TMEM163: variants seen among roughly 807,000 people sequenced by gnomAD.
TMEM163 encodes transmembrane protein 163.
Under a neutral mutation model 29.3 loss-of-function variants are expected in TMEM163, and 17 were observed. The ratio of observed to expected loss-of-function variants is 0.58; its 90% CI spans 0.40 to 0.87. TMEM163 has a LOEUF of 0.87. Ranked by LOEUF, TMEM163 falls within the 40% of genes least tolerant of loss-of-function variation. The pLI, the probability that TMEM163 is intolerant of heterozygous loss-of-function variation, is 0.00. For synonymous variants in TMEM163, 157 were observed against 160.6 expected (o/e 0.98, Z 0.17); for missense variants, 303 against 381.5 (o/e 0.79, Z 1.71).
chr2:134,489,911 T>A (rs1322493540), intron 5 of TMEM163, among the ~76,000 whole-genome samples: 2 of 152,220 alleles, frequency 1.3e-5, no homozygotes, highest in Non-Finnish European at 2.9e-5. Flanking sequence ...CCCCGAAAGA[T>A]GAACTCCTCC....
intron 5 of TMEM163, chr2:134,467,743 G>T (rs1042994163): frequency 6.6e-6 from 1 of 152,284 alleles, no homozygotes; most frequent in South Asian, 2.1e-4. Context: ...GAAAGTCTAG[G>T]GTTTCGTGAA....
intron 2 of TMEM163, among the ~76,000 whole-genome samples, chr2:134,680,379 T>C (rs1684204157): frequency 1.3e-5 from 2 of 150,488 alleles, no homozygotes; most frequent in Non-Finnish European, 3.0e-5. Context: ...AAAAAAGCTC[T>C]GTATGGAGGC....
At chr2:134,500,084 C>T (rs1679666125) in intron 5 of TMEM163, among the ~76,000 whole-genome samples, 1 of 152,146 alleles carries the variant, frequency 6.6e-6, no homozygotes, top group African/African-American at 2.4e-5. Context: ...CCGTACAGCC[C>T]ACATTCCAGC....
At chr2:134,625,218 AG>A (rs1682821787) in intron 2 of TMEM163, among the ~76,000 whole-genome samples, 1 of 152,238 alleles carries the variant, frequency 6.6e-6, no homozygotes. Context: ...TTATAATAAA[AG>A]GTTTAATAAC....
intron 4 of TMEM163, among the ~76,000 whole-genome samples, chr2:134,519,770 A>T (rs1680152661): frequency 6.6e-6 from 1 of 151,106 alleles, no homozygotes; most frequent in Admixed American, 6.6e-5. Context: ...ATACGCCTGG[A>T]GTCCGACTAC....
chr2:134,538,789 A>G (rs1004599186), intron 4 of TMEM163, among the ~76,000 whole-genome samples: 2 of 152,186 alleles, frequency 1.3e-5, no homozygotes, highest in South Asian at 4.1e-4. Flanking sequence ...ATCTCTAAGG[A>G]CAGGAAATAG....
intron 4 of TMEM163, among the ~76,000 whole-genome samples, chr2:134,511,718 AG>A (rs748032295): frequency 6.6e-6 from 1 of 152,214 alleles, no homozygotes; most frequent in Non-Finnish European, 1.5e-5. Flanking sequence ...AAGATTTTAA[AG>A]GTACTCTCAG....
At chr2:134,477,336 C>G (rs1207858606) in intron 5 of TMEM163, among the ~76,000 whole-genome samples, 1 of 152,170 alleles carries the variant, frequency 6.6e-6, no homozygotes, top group Non-Finnish European at 1.5e-5. Flanking sequence ...TACCATAGTG[C>G]GATCTGTTTG....
intron 2 of TMEM163, among the ~76,000 whole-genome samples, chr2:134,587,444 G>A (rs1422722186): frequency 2.0e-5 from 3 of 152,032 alleles, no homozygotes; most frequent in Non-Finnish European, 2.9e-5. Context: ...TATCACCCCC[G>A]TGTGAGAAGC....
chr2:134,604,399 A>G (rs1682304012), intron 2 of TMEM163, among the ~76,000 whole-genome samples: 1 of 151,962 alleles, frequency 6.6e-6, no homozygotes, highest in Non-Finnish European at 1.5e-5. Flanking sequence ...TGAAAAACCA[A>G]GTTTGAGAAC....
chr2:134,630,211 A>C (rs60148809), intron 2 of TMEM163, among the ~76,000 whole-genome samples: 1 of 152,066 alleles, frequency 6.6e-6, no homozygotes. Flanking sequence ...AGGAATAATA[A>C]TTATACACAT....
intron 4 of TMEM163, among the ~76,000 whole-genome samples, chr2:134,505,172 G>A (rs183147547): frequency 4.0e-5 from 6 of 150,964 alleles, no homozygotes; most frequent in Admixed American, 1.3e-4. Flanking sequence ...AACCTTTTCA[G>A]GTAACTTCAG....
intron 2 of TMEM163, among the ~76,000 whole-genome samples, chr2:134,596,072 C>G (rs1682073722): frequency 6.6e-6 from 1 of 152,198 alleles, no homozygotes; most frequent in Non-Finnish European, 1.5e-5. Context: ...TGCCGGTTCA[C>G]TCTGATGGTA....
intron 4 of TMEM163, among the ~76,000 whole-genome samples, chr2:134,522,227 A>C (rs1267186667): frequency 6.6e-6 from 1 of 152,210 alleles, no homozygotes; most frequent in Non-Finnish European, 1.5e-5. Context: ...GCCCAGGCAC[A>C]ATTACTGCCA....
chr2:134,462,924 T>C (rs1424640130), intron 6 of TMEM163, among the ~76,000 whole-genome samples: 1 of 152,188 alleles, frequency 6.6e-6, no homozygotes, highest in Non-Finnish European at 1.5e-5. Flanking sequence ...GAATGAGGTT[T>C]CCTGTACCCC....
rs144766483 is a variant in TMEM163, at chr2:134,524,778, A to G, written c.459-21781T>C. ...TTTATCCAGTCTATCATTGATGGGCATTTGGGTTGATTCCATGTCTTTGCT... is the reference window on the plus strand; with the variant it reads ...TTTATCCAGTCTATCATTGATGGGCGTTTGGGTTGATTCCATGTCTTTGCT... On this transcript the variant is annotated intron_variant, in intron 4 of 7. Coordinates refer to ENST00000281924, the MANE Select transcript of TMEM163 (RefSeq NM_030923.5). 5.9e-3 allele frequency among the ~76,000 whole-genome samples: 884 copies of G among 150,496 alleles called. 52 individuals are homozygous for G. Among genetic ancestry groups the G allele is most frequent in the African/African-American group, 0.02 (839 of 41,058 alleles).
intron 2 of TMEM163, among the ~76,000 whole-genome samples, chr2:134,666,640 G>C (rs1268817240): frequency 1.3e-5 from 2 of 152,196 alleles, no homozygotes; most frequent in Admixed American, 1.3e-4. Flanking sequence ...GCACCATCCA[G>C]AGTGTAGACT....
chr2:134,499,943 T>C (rs572196443), intron 5 of TMEM163, among the ~76,000 whole-genome samples: 1 of 152,358 alleles, frequency 6.6e-6, no homozygotes, highest in Admixed American at 6.5e-5. Flanking sequence ...TTATTTAACC[T>C]GCATGAAATT....
intron 4 of TMEM163, among the ~76,000 whole-genome samples, chr2:134,546,824 TA>T (rs1222760140): frequency 6.6e-6 from 1 of 151,430 alleles, no homozygotes; most frequent in African/African-American, 2.4e-5. Context: ...AAAAAATAAA[TA>T]AAATAAATAA....
Sources: gnomAD v4.1 joint callset for allele counts (sites outside exome capture counted in the v4.1 genomes callset) on GRCh38, gnomAD v4.1.1 for gene constraint, MANE v1.5 for transcripts, NCBI Gene and HGNC (gene_info 2026-07-23, HGNC 2026-07-21) for gene names.